Variants in UTS2 observed in about 807,000 individuals in gnomAD.
The protein encoded by UTS2 is urotensin-2.
Under a neutral mutation model 12.6 loss-of-function variants are expected in UTS2, and 10 were observed. The ratio of observed to expected loss-of-function variants is 0.80; its 90% CI spans 0.49 to 1.35. UTS2 has a LOEUF of 1.35. Ranked by LOEUF, UTS2 falls within the 40% of genes most tolerant of loss-of-function variation. The probability of loss-of-function intolerance (pLI) is 0.00; values close to 1 mark genes in which losing one functional copy is unlikely to be tolerated. For synonymous variants in UTS2, 52 were observed against 50.0 expected (o/e 1.04, Z -0.17); for missense variants, 142 against 143.2 (o/e 0.99, Z 0.04).
the UTS2 span, among the ~76,000 whole-genome samples, chr1:7,862,978 T>TTGTTG: frequency 7.7e-5 from 4 of 52,196 alleles, no homozygotes; most frequent in East Asian, 1.6e-3. Flanking sequence ...CGGCCGTTAT[T>TTGTTG]TATTGTGTTG....
At chr1:7,867,026 C>T in the UTS2 span, among the ~76,000 whole-genome samples, 5,685 of 152,178 alleles carry the variant, frequency 0.037, 165 homozygotes, top group South Asian at 0.097. Flanking sequence ...TGCATCACCA[C>T]GCCCAGCTAA....
the UTS2 span, among the ~76,000 whole-genome samples, chr1:7,907,621 A>G: frequency 6.6e-6 from 1 of 151,746 alleles, no homozygotes; most frequent in Admixed American, 6.6e-5. Context: ...AGCCTAAGCA[A>G]CAGAGCCAGA....
At chr1:7,868,035 T>A in the UTS2 span, among the ~76,000 whole-genome samples, 1 of 152,102 alleles carries the variant, frequency 6.6e-6, no homozygotes, top group Non-Finnish European at 1.5e-5. Flanking sequence ...TAGAAGACGA[T>A]TAGCACAAAA....
upstream of UTS2, chr1:7,853,615 C>T: frequency 1.5e-6 from 1 of 661,516 alleles, no homozygotes; most frequent in Non-Finnish European, 2.4e-6. Flanking sequence ...CACGTGGCCT[C>T]ATGTGAAGCC....
chr1:7,902,456 G>A, the UTS2 span, among the ~76,000 whole-genome samples: 2 of 152,236 alleles, frequency 1.3e-5, no homozygotes, highest in African/African-American at 2.4e-5. Flanking sequence ...GGCCTGGGTC[G>A]TCAGTGCGGC....
chr1:7,863,256 C>T, the UTS2 span, among the ~76,000 whole-genome samples: 1 of 151,986 alleles, frequency 6.6e-6, no homozygotes, highest in Non-Finnish European at 1.5e-5. Context: ...GGATTACAGG[C>T]ATGCACCACC....
intron 2 of UTS2, 55 bp downstream of exon 2, chr1:7,850,757 G>A (rs533261976): frequency 2.1e-5 from 33 of 1,550,290 alleles, no homozygotes; most frequent in Admixed American, 3.3e-5. Flanking sequence ...GAGGACAGAC[G>A]GTAAGTTCAG....
At chr1:7,911,019 T>C in the UTS2 span, among the ~76,000 whole-genome samples, 1 of 150,044 alleles carries the variant, frequency 6.7e-6, no homozygotes, top group African/African-American at 2.5e-5. Flanking sequence ...TGAGCCACCG[T>C]GACTGCCTCT....
chr1:7,859,361 C>G, the UTS2 span, among the ~76,000 whole-genome samples: 1 of 151,756 alleles, frequency 6.6e-6, no homozygotes, highest in South Asian at 2.1e-4. Flanking sequence ...CTGAATGCCT[C>G]GTCTGTCAGC....
chr1:7,908,808 ATTT>A, the UTS2 span, among the ~76,000 whole-genome samples: 2 of 144,586 alleles, frequency 1.4e-5, no homozygotes, highest in Admixed American at 1.4e-4. Context: ...CAAAGGCACA[ATTT>A]TTTTTTTTTT....
chr1:7,903,538 C>T, the UTS2 span, among the ~76,000 whole-genome samples: 4 of 151,980 alleles, frequency 2.6e-5, no homozygotes, highest in South Asian at 2.1e-4. Context: ...TACAAGTTCC[C>T]GCCACCATCC....
the UTS2 span, among the ~76,000 whole-genome samples, chr1:7,860,045 G>A: frequency 6.6e-6 from 1 of 152,192 alleles, no homozygotes; most frequent in African/African-American, 2.4e-5. Context: ...GACGACAAGG[G>A]TGTTTGTTGA....
chr1:7,853,021 C>A lies in UTS2; in HGVS notation c.-18G>T, dbSNP rs376634549. 1 of 1,597,744 alleles carries A rather than the reference C, an allele frequency of 6.3e-7. No homozygotes were observed. Among genetic ancestry groups the A allele is most frequent in the South Asian group, 1.1e-5 (1 of 87,334 alleles). Reference sequence around the variant, plus strand: ...TTATACATGATCGCCACAAGATAGACGGCTTCCTTCTTGGCTTCTGTTGTA... The same window carrying A: ...TTATACATGATCGCCACAAGATAGAAGGCTTCCTTCTTGGCTTCTGTTGTA... On this transcript the variant is annotated 5_prime_UTR_variant, in exon 1 of 4. Transcript: ENST00000361696.
At chr1:7,864,314 G>A in the UTS2 span, among the ~76,000 whole-genome samples, 5 of 152,182 alleles carry the variant, frequency 3.3e-5, no homozygotes, top group Middle Eastern at 3.4e-3. Flanking sequence ...ACAACATGGC[G>A]CTTTGTCCTG....
At chr1:7,859,957 C>T in the UTS2 span, among the ~76,000 whole-genome samples, 21 of 152,168 alleles carry the variant, frequency 1.4e-4, no homozygotes, top group East Asian at 3.9e-3. Flanking sequence ...CAAGATTGCA[C>T]CACTGCACTC....
chr1:7,863,931 C>T, the UTS2 span, among the ~76,000 whole-genome samples: 18,599 of 152,194 alleles, frequency 0.12, 1,233 homozygotes, highest in Middle Eastern at 0.23. Context: ...TGGCTGACAG[C>T]GGGGCCTCCC....
the UTS2 span, among the ~76,000 whole-genome samples, chr1:7,861,018 G>A: frequency 1.4e-5 from 2 of 148,138 alleles, no homozygotes; most frequent in South Asian, 4.4e-4. Context: ...CTCTAGCCTG[G>A]GTGACAGAGC....
At chr1:7,876,193 A>G in the UTS2 span, among the ~76,000 whole-genome samples, 1 of 151,872 alleles carries the variant, frequency 6.6e-6, no homozygotes, top group Non-Finnish European at 1.5e-5. Context: ...TCTGGTGCCC[A>G]TGAACATTGT....
chr1:7,855,838 A>G (rs1367070815), upstream of UTS2, among the ~76,000 whole-genome samples: 2 of 150,820 alleles, frequency 1.3e-5, no homozygotes, highest in East Asian at 3.9e-4. Context: ...AGCTGGAACC[A>G]CAGGCACATG....
Sources: gnomAD v4.1 joint callset for allele counts (sites outside exome capture counted in the v4.1 genomes callset) on GRCh38, gnomAD v4.1.1 for gene constraint, MANE v1.5 for transcripts, NCBI Gene and HGNC (gene_info 2026-07-23, HGNC 2026-07-21) for gene names.